The following DTNA variants were observed in gnomAD, a reference collection of about 807,000 sequenced individuals.
The protein encoded by DTNA is dystrobrevin alpha.
In DTNA, 43 loss-of-function variants were observed where a neutral mutation model predicts 100.7. The ratio of observed to expected loss-of-function variants is 0.43; its 90% CI spans 0.33 to 0.55. The LOEUF is 0.55. Ranked by LOEUF, DTNA falls within the 20% of genes least tolerant of loss-of-function variation. The pLI is 0.04. For synonymous variants in DTNA, 349 were observed against 347.9 expected (o/e 1.00, Z -0.04); for missense variants, 798 against 953.9 (o/e 0.84, Z 2.15).
chr18:34,703,645 G>A (rs1023718636), intron 1 of DTNA, among the ~76,000 whole-genome samples: 5 of 152,176 alleles, frequency 3.3e-5, no homozygotes, highest in South Asian at 2.1e-4. Flanking sequence ...AATATCAGAT[G>A]TACAGTCCTT....
intron 1 of DTNA, among the ~76,000 whole-genome samples, chr18:34,616,641 A>AT (rs1435662137): frequency 1.3e-5 from 2 of 151,940 alleles, no homozygotes; most frequent in African/African-American, 2.4e-5. Context: ...TGAATTTTAG[A>AT]TTTTTTTCAG....
chr18:34,796,389 C>T (rs1172040490), intron 4 of DTNA, among the ~76,000 whole-genome samples: 1 of 152,206 alleles, frequency 6.6e-6, no homozygotes, highest in Non-Finnish European at 1.5e-5. Context: ...TAATAGTAAA[C>T]TCCAATTTAT....
intron 10 of DTNA, chr18:34,829,007 C>T (rs1399368309): frequency 1.9e-6 from 3 of 1,613,444 alleles, no homozygotes; most frequent in Admixed American, 3.3e-5. Flanking sequence ...AGGTAGACCC[C>T]ATCCTTACTG....
At chr18:34,709,913 G>A (rs2082584341), upstream of DTNA, among the ~76,000 whole-genome samples, 1 of 152,188 alleles carries the variant, frequency 6.6e-6, no homozygotes, top group Non-Finnish European at 1.5e-5. Context: ...TAAAGGAGCT[G>A]TGGGATTATT....
chr18:34,572,056 T>A (rs910487315), intron 1 of DTNA, among the ~76,000 whole-genome samples: 1 of 152,130 alleles, frequency 6.6e-6, no homozygotes, highest in African/African-American at 2.4e-5. Context: ...GTTATCTTAA[T>A]GCATAATATA....
intron 1 of DTNA, among the ~76,000 whole-genome samples, chr18:34,606,680 T>C (rs773815294): frequency 7.2e-5 from 11 of 152,080 alleles, no homozygotes; most frequent in Non-Finnish European, 1.0e-4. Context: ...CAGAAGAAGG[T>C]GATGCTTATA....
intron 1 of DTNA, among the ~76,000 whole-genome samples, chr18:34,745,350 A>G (rs10502635): frequency 0.11 from 16,738 of 152,230 alleles, 1,309 homozygotes; most frequent in African/African-American, 0.22. Context: ...TCAGAAGCCC[A>G]GATCACAATT....
intron 1 of DTNA, among the ~76,000 whole-genome samples, chr18:34,592,466 TAA>T (rs1491574919): frequency 1.2e-5 from 1 of 83,222 alleles, no homozygotes; most frequent in Non-Finnish European, 2.3e-5. Context: ...TACACTTGTA[TAA>T]CACACACACA....
chr18:34,871,438 C>A (rs1318294546), intron 17 of DTNA, among the ~76,000 whole-genome samples: 2 of 152,206 alleles, frequency 1.3e-5, no homozygotes, highest in African/African-American at 2.4e-5. Context: ...TAAATCAACT[C>A]TCTCCTTGGG....
chr18:34,664,662 A>G (rs1476470353), intron 1 of DTNA, among the ~76,000 whole-genome samples: 1 of 152,140 alleles, frequency 6.6e-6, no homozygotes, highest in African/African-American at 2.4e-5. Flanking sequence ...TGGGGTACAA[A>G]CTTGCTCTAT....
At chr18:34,864,140 G>C in intron 17 of DTNA, 78 bp downstream of exon 17, 1 of 1,314,638 alleles carries the variant, frequency 7.6e-7, no homozygotes, top group Non-Finnish European at 1.1e-6. Flanking sequence ...ATGTGCAATG[G>C]TTTTTCCAAT....
intron 1 of DTNA, among the ~76,000 whole-genome samples, chr18:34,547,001 C>A (rs1325343655): frequency 3.3e-5 from 5 of 151,902 alleles, no homozygotes; most frequent in African/African-American, 1.2e-4. Flanking sequence ...GCCACTACAC[C>A]CCACCCTGTT....
chr18:34,751,020 G>C (rs1454306282), intron 1 of DTNA, among the ~76,000 whole-genome samples: 1 of 152,104 alleles, frequency 6.6e-6, no homozygotes, highest in African/African-American at 2.4e-5. Flanking sequence ...CCCATACATG[G>C]GGGCAAAGAG....
chr18:34,794,345 C>A, intron 4 of DTNA, 95 bp downstream of exon 4: 1 of 1,091,612 alleles, frequency 9.2e-7, no homozygotes, highest in South Asian at 1.6e-5. Context: ...ATATCTCTCT[C>A]TTTTTTTTTT....
chr18:34,863,723 A>G (rs1469865474), intron 16 of DTNA, among the ~76,000 whole-genome samples: 2 of 152,242 alleles, frequency 1.3e-5, no homozygotes, highest in Admixed American at 6.5e-5. Context: ...AATTCAGGGT[A>G]GAAAGGTCTG....
chr18:34,603,249 TA>T lies in DTNA; in HGVS notation c.-2+109741del, dbSNP rs112618683. Among the ~76,000 whole-genome samples, 388 of 151,766 alleles carry T rather than the reference TA, an allele frequency of 2.6e-3. 4 individuals are homozygous for T. The highest frequency in any genetic ancestry group is 8.7e-3 in the African/African-American group (360 of 41,464). ...AAGGAAAGGAAAAAAAAATCCCATTTAAAAAATAAAAATAAAATAAATACCT... is the reference window on the plus strand; with the variant it reads ...AAGGAAAGGAAAAAAAAATCCCATTTAAAAATAAAAATAAAATAAATACCT... On this transcript the variant is annotated intron_variant, in intron 1 of 19. Coordinates refer to the DTNA transcript ENST00000283365.
At chr18:34,553,235 T>C (rs1309205711) in intron 1 of DTNA, among the ~76,000 whole-genome samples, 1 of 152,206 alleles carries the variant, frequency 6.6e-6, no homozygotes, top group East Asian at 1.9e-4. Context: ...GTTTGTTTTT[T>C]TTCTTGTAAA....
chr18:34,833,022 A>C (rs1008575790), intron 11 of DTNA, among the ~76,000 whole-genome samples: 4 of 152,176 alleles, frequency 2.6e-5, no homozygotes, highest in African/African-American at 9.6e-5. Context: ...ATCTGTTCTT[A>C]ATTTGCTATA....
At chr18:34,853,683 AG>A (rs1302283017) in intron 15 of DTNA, among the ~76,000 whole-genome samples, 1 of 152,162 alleles carries the variant, frequency 6.6e-6, no homozygotes, top group African/African-American at 2.4e-5. Context: ...ATTAAAAAAA[AG>A]TTTGTCACAT....
Sources: allele counts gnomAD v4.1 joint callset (sites outside exome capture counted in the v4.1 genomes callset), GRCh38; gene constraint gnomAD v4.1.1; transcripts MANE v1.5; gene names NCBI Gene and HGNC (gene_info 2026-07-23, HGNC 2026-07-21).